TMEM52B: variants seen among roughly 807,000 people sequenced by gnomAD.
TMEM52B encodes the protein chromosome 12 open reading frame 59.
A neutral mutation model predicts 16.1 loss-of-function variants in TMEM52B; 11 were observed. The ratio of observed to expected loss-of-function variants is 0.68; its 90% CI spans 0.43 to 1.13. The LOEUF (loss-of-function observed/expected upper bound fraction) is 1.13. TMEM52B is among the 50% of genes most tolerant of loss of function. The pLI is 0.00. For synonymous variants in TMEM52B, 101 were observed against 93.8 expected, an observed-to-expected ratio of 1.08 and a Z score of -0.45; for missense variants, 243 against 230.4, an observed-to-expected ratio of 1.05 and a Z score of -0.35.
At chr12:10,182,780 C>T (rs1483199343) in intron 2 of TMEM52B, among the ~76,000 whole-genome samples, 187 bp downstream of exon 2, 1 of 152,160 alleles carries the variant, frequency 6.6e-6, no homozygotes, top group Non-Finnish European at 1.5e-5. Flanking sequence ...CTCAAAATAA[C>T]ACTGCTGACA....
intron 4 of TMEM52B, among the ~76,000 whole-genome samples, chr12:10,187,490 C>T (rs143951162): frequency 0.13 from 19,489 of 152,100 alleles, 1,320 homozygotes; most frequent in African/African-American, 0.15. Context: ...CTGCAACCTC[C>T]GCCTCCTGGG....
chr12:10,182,194 T>C (rs2137548419), intron 1 of TMEM52B: 1 of 985,126 alleles, frequency 1.0e-6, no homozygotes, highest in East Asian at 1.1e-4. Flanking sequence ...TGGTGTAGAA[T>C]TCAACTGGGC....
At chr12:10,179,701 G>T in intron 1 of TMEM52B, 73 bp downstream of exon 1, 1 of 1,571,222 alleles carries the variant, frequency 6.4e-7, no homozygotes. Flanking sequence ...AGTCTGAAAG[G>T]AAATGAACTG....
intron 4 of TMEM52B, among the ~76,000 whole-genome samples, chr12:10,189,006 G>A (rs1323832703): frequency 9.3e-6 from 1 of 107,054 alleles, no homozygotes; most frequent in African/African-American, 3.7e-5. Flanking sequence ...GACAGAGCGA[G>A]ACTCCGTCTC....
intron 1 of TMEM52B, chr12:10,172,235 T>G (rs1471127360): frequency 3.4e-6 from 2 of 583,572 alleles, no homozygotes; most frequent in Non-Finnish European, 6.0e-6. Context: ...TGCTTCATAT[T>G]GGGAAGTTCG....
At chr12:10,183,756 T>C (rs929853476) in intron 2 of TMEM52B, among the ~76,000 whole-genome samples, 1 of 152,216 alleles carries the variant, frequency 6.6e-6, no homozygotes, top group African/African-American at 2.4e-5. Context: ...TTCTACTTTT[T>C]TCCCTCTTCC....
chr12:10,183,440 C>A (rs1948845397), intron 2 of TMEM52B, among the ~76,000 whole-genome samples: 2 of 149,934 alleles, frequency 1.3e-5, no homozygotes, highest in Admixed American at 6.7e-5. Flanking sequence ...GTGGGAAAAC[C>A]AAGAGGAGTC....
chr12:10,185,302 T>C, intron 2 of TMEM52B, 28 bp from the exon 3 acceptor site: 1 of 1,521,458 alleles, frequency 6.6e-7, no homozygotes, highest in Non-Finnish European at 9.1e-7. Flanking sequence ...ATATTTTTAA[T>C]GTAGAAAACT....
In TMEM52B at chr12:10,172,102, A is replaced by C. The variant is rs369592088; in HGVS notation, c.-95+1251A>C. ...TTTCCAAATTCAAGCTAAGAATGAG[A>C]GAGTGAAGCAGTCACGAACTTCAAC... On this transcript the variant is annotated intron_variant, in intron 1 of 5. Coordinates refer to the TMEM52B transcript ENST00000381923. 18 of 1,570,030 alleles carry C rather than the reference A, an allele frequency of 1.1e-5. No homozygotes were observed. The African/African-American group carries it at 1.9e-4, about 16-fold the overall frequency.
Position 10,185,353 on chromosome 12 carries a change from A to C in TMEM52B, c.122A>C (p.His41Pro), listed in dbSNP as rs750271310. 10 of 1,608,464 alleles carry C rather than the reference A, an allele frequency of 6.2e-6. No homozygotes were observed. The highest frequency in any genetic ancestry group is 3.3e-5 in the South Asian group (3 of 90,986). ...PEHCLTTDWV[H>P]LWYIWLLVVI... Reference sequence around the variant, plus strand: ...AGTTGCCTGACCACAGACTGGGTACATCTCTGGTATATATGGTAAGTTTCA... The same window carrying C: ...AGTTGCCTGACCACAGACTGGGTACCTCTCTGGTATATATGGTAAGTTTCA... The change falls in exon 3 of 5, where the codon CAT (histidine) becomes CCT (proline). Residue 41 changes from histidine to proline, a missense_variant. Coordinates refer to ENST00000543484, the MANE Select transcript of TMEM52B (RefSeq NM_001384896.1).
At chr12:10,178,302 G>A (rs2137540793), upstream of TMEM52B, among the ~76,000 whole-genome samples, 1 of 152,064 alleles carries the variant, frequency 6.6e-6, no homozygotes, top group Middle Eastern at 3.4e-3. Context: ...GGATCATGAG[G>A]TCAGGAGATC....
intron 4 of TMEM52B, among the ~76,000 whole-genome samples, chr12:10,188,531 AGG>A (rs71049058): frequency 0.46 from 63,470 of 138,350 alleles, 14,753 homozygotes; most frequent in East Asian, 0.88. Flanking sequence ...GAAGGAAGGA[AGG>A]AAGGAAAAGA....
Position 10,186,040 on chromosome 12 carries a change from TA to T in TMEM52B, c.138-367del, listed in dbSNP as rs879694650. Among the ~76,000 whole-genome samples the T allele has an allele frequency of 1.9e-3, 277 of 142,754 alleles. 1 individual carries two copies. Among genetic ancestry groups the T allele is most frequent in the African/African-American group, 1.9e-3 (74 of 38,948 alleles). 93.7% of individuals were successfully genotyped at this position (142,754 alleles called of 152,430 possible). Reference sequence around the variant, plus strand: ...TGGGCAACAAGAGCAAAACTCTGTCTAAAAAAAAAAAAATTAGTCGAGTGTG... The same window carrying T: ...TGGGCAACAAGAGCAAAACTCTGTCTAAAAAAAAAAAATTAGTCGAGTGTG... On this transcript the variant is annotated intron_variant, in intron 3 of 4. Transcript: ENST00000543484.
chr12:10,189,016 C>CAAAAAAAAAAAAAAA (rs869240234), intron 4 of TMEM52B, among the ~76,000 whole-genome samples: 1 of 56,488 alleles, frequency 1.8e-5, no homozygotes, highest in Non-Finnish European at 2.9e-5. Flanking sequence ...GACTCCGTCT[C>CAAAAAAAAAAAAAAA]AAAAAAAAAA....
At chr12:10,177,010 T>C (rs996128497), upstream of TMEM52B, among the ~76,000 whole-genome samples, 1 of 152,188 alleles carries the variant, frequency 6.6e-6, no homozygotes, top group Non-Finnish European at 1.5e-5. Flanking sequence ...CTATTCAAAA[T>C]GCTTTCCTGT....
At chr12:10,185,933 C>G (rs1379287902) in intron 3 of TMEM52B, among the ~76,000 whole-genome samples, 2 of 152,078 alleles carry the variant, frequency 1.3e-5, no homozygotes, top group East Asian at 3.9e-4. Context: ...CCCAGCTACT[C>G]AGGTGGTTGA....
chr12:10,182,190 A>G (rs1297785774), intron 1 of TMEM52B: 1 of 985,214 alleles, frequency 1.0e-6, no homozygotes, highest in East Asian at 1.1e-4. Flanking sequence ...GCAGTGGTGT[A>G]GAATTCAACT....
intron 1 of TMEM52B, among the ~76,000 whole-genome samples, chr12:10,180,594 C>G (rs1484215713): frequency 6.6e-6 from 1 of 152,168 alleles, no homozygotes; most frequent in Admixed American, 6.5e-5. Context: ...CAAAGGCTGG[C>G]CATTAATCCT....
At chr12:10,172,683 T>G (rs1948733425) in intron 1 of TMEM52B, among the ~76,000 whole-genome samples, 1 of 152,206 alleles carries the variant, frequency 6.6e-6, no homozygotes, top group Non-Finnish European at 1.5e-5. Context: ...GCAGTGCCAG[T>G]GTAACGTAGC....
Sources: allele counts gnomAD v4.1 joint callset (sites outside exome capture counted in the v4.1 genomes callset), GRCh38; gene constraint gnomAD v4.1.1; transcripts MANE v1.5; gene names NCBI Gene and HGNC (gene_info 2026-07-23, HGNC 2026-07-21).